LARP4B: variants seen among roughly 807,000 people sequenced by gnomAD.
LARP4B encodes la-related protein 4B.
Under a neutral mutation model 89.8 loss-of-function variants are expected in LARP4B, and 12 were observed. The ratio of observed to expected loss-of-function variants is 0.13; its 90% CI spans 0.09 to 0.22. The LOEUF (loss-of-function observed/expected upper bound fraction) is 0.22. Among genes scored for constraint, LARP4B ranks in the 10% least tolerant of loss-of-function variants. The probability of loss-of-function intolerance (pLI) is 1.00; values close to 1 mark genes in which losing one functional copy is unlikely to be tolerated. For synonymous variants in LARP4B, 367 were observed against 363.3 expected, an observed-to-expected ratio of 1.01 and a Z score of -0.12; for missense variants, 757 against 947.7, an observed-to-expected ratio of 0.80 and a Z score of 2.64.
chr10:889,384 ACACT>A (rs1439976384), intron 1 of LARP4B, among the ~76,000 whole-genome samples: 1 of 152,154 alleles, frequency 6.6e-6, no homozygotes, highest in South Asian at 2.1e-4. Context: ...ACACACACCC[ACACT>A]CACTCACTCA....
In LARP4B at chr10:881,092, C is replaced by T. The variant is rs78919168; in HGVS notation, c.141+3355G>A. 7.1e-3 allele frequency among the ~76,000 whole-genome samples: 1,083 copies of T among 152,260 alleles called. 29 individuals carry two copies. The East Asian group carries it at 0.094, about 13-fold the overall frequency. On this transcript the variant is annotated intron_variant, in intron 3 of 17. Coordinates refer to ENST00000316157, the MANE Select transcript of LARP4B (RefSeq NM_015155.3). ...AAAAAGCCGCTGAGAATGATGTTTG[C>T]TATAGATGAAGTTTGTGGCGCTAAC...
chr10:972,785 A>G, the LARP4B span: 1 of 456,796 alleles, frequency 2.2e-6, no homozygotes, highest in Non-Finnish European at 4.4e-6. Flanking sequence ...AAGAAGATGC[A>G]GCCCCAGGTA....
rs370866540 is a variant in LARP4B, at chr10:914,448, G to A, written c.-40+16980C>T. ...AAAGAAAGGTAGGTTGCAGTGAGCC[G>A]AGATCACGCCACTGCACTCCAGCCT... On this transcript the variant is annotated intron_variant, in intron 1 of 17. Transcript: ENST00000316157. 4.1e-4 allele frequency among the ~76,000 whole-genome samples: 62 copies of A among 151,712 alleles called. 1 individual carries two copies. The South Asian group carries it at 6.5e-3, about 16-fold the overall frequency.
intron 1 of LARP4B, among the ~76,000 whole-genome samples, chr10:895,945 C>T (rs1337112335): frequency 6.6e-6 from 1 of 152,216 alleles, no homozygotes; most frequent in Non-Finnish European, 1.5e-5. Context: ...TATTACACGT[C>T]TTCATAAAAC....
At chr10:900,931 T>A (rs1836325508) in intron 1 of LARP4B, among the ~76,000 whole-genome samples, 1 of 145,806 alleles carries the variant, frequency 6.9e-6, no homozygotes, top group African/African-American at 2.6e-5. Flanking sequence ...TTTTTTTTTT[T>A]TTTTTGAGAC....
At chr10:827,575 G>C (rs1381161391) in intron 11 of LARP4B, among the ~76,000 whole-genome samples, 1 of 152,206 alleles carries the variant, frequency 6.6e-6, no homozygotes, top group Non-Finnish European at 1.5e-5. Flanking sequence ...GCGATGGAGA[G>C]CCCCAGTATC....
chr10:862,256 TAA>T (rs10661482), intron 5 of LARP4B, among the ~76,000 whole-genome samples: 30 of 84,408 alleles, frequency 3.6e-4, no homozygotes, highest in African/African-American at 7.8e-4. Flanking sequence ...CCACTGAAGT[TAA>T]AAAAAAAAAA....
chr10:874,471 T>C (rs1352730942), intron 3 of LARP4B, among the ~76,000 whole-genome samples: 2 of 152,244 alleles, frequency 1.3e-5, no homozygotes, highest in South Asian at 2.1e-4. Context: ...GCCTGCCATC[T>C]GGTGAAAAAC....
chr10:830,584 T>C (rs908281734), intron 9 of LARP4B, among the ~76,000 whole-genome samples: 2 of 152,152 alleles, frequency 1.3e-5, no homozygotes, highest in South Asian at 2.1e-4. Flanking sequence ...ACTTTGCAAA[T>C]AGTAAAACTT....
intron 1 of LARP4B, among the ~76,000 whole-genome samples, chr10:908,692 T>C (rs1218116800): frequency 2.6e-5 from 4 of 152,232 alleles, no homozygotes; most frequent in African/African-American, 9.6e-5. Context: ...GGTTGATTGT[T>C]GTGACGCGAA....
intron 8 of LARP4B, among the ~76,000 whole-genome samples, chr10:832,298 C>A (rs1410120207): frequency 1.3e-5 from 2 of 152,222 alleles, no homozygotes; most frequent in Admixed American, 6.5e-5. Flanking sequence ...CCGCCTCAGC[C>A]TCCCAAAGTG....
chr10:877,788 T>C (rs993570206), intron 3 of LARP4B, among the ~76,000 whole-genome samples: 1 of 152,200 alleles, frequency 6.6e-6, no homozygotes, highest in Non-Finnish European at 1.5e-5. Flanking sequence ...ATGGAGCACC[T>C]ACCTGTCAGG....
intron 1 of LARP4B, among the ~76,000 whole-genome samples, chr10:928,249 T>C (rs1397079311): frequency 6.6e-6 from 1 of 151,564 alleles, no homozygotes; most frequent in Non-Finnish European, 1.5e-5. Context: ...AAAAAACTTG[T>C]ACCTTTAACA....
intron 7 of LARP4B, among the ~76,000 whole-genome samples, chr10:842,503 T>C (rs1443020679): frequency 6.6e-6 from 1 of 152,124 alleles, no homozygotes; most frequent in Non-Finnish European, 1.5e-5. Context: ...GCCCACAACA[T>C]AATTTTAAGA....
chr10:829,750 A>C lies in LARP4B; in HGVS notation c.862-16T>G. On this transcript the variant is annotated splice_polypyrimidine_tract_variant and intron_variant, in intron 9 of 17. Transcript: ENST00000316157. ...ATTTGTAAGCCTAAGGGCAAAATTA[A>C]GTACAAAATTCCATTCGATTAACCT... The C allele has an allele frequency of 6.2e-7, 1 of 1,601,392 alleles. No individual in the cohort carries two copies. Among genetic ancestry groups the C allele is most frequent in the Non-Finnish European group, 8.6e-7 (1 of 1,169,458 alleles).
intron 1 of LARP4B, among the ~76,000 whole-genome samples, chr10:909,060 T>C (rs192291111): frequency 0.026 from 3,948 of 152,030 alleles, 66 homozygotes; most frequent in Non-Finnish European, 0.04. Context: ...TTTGGGAGGC[T>C]GAGGCGGGCA....
chr10:898,018 C>T (rs1167116652), intron 1 of LARP4B, among the ~76,000 whole-genome samples: 2 of 129,564 alleles, frequency 1.5e-5, no homozygotes, highest in Non-Finnish European at 3.4e-5. Flanking sequence ...AAAAAAATGG[C>T]AAATGATCCG....
chr10:842,106 A>C (rs1833546650), intron 7 of LARP4B, among the ~76,000 whole-genome samples: 1 of 152,144 alleles, frequency 6.6e-6, no homozygotes, highest in Non-Finnish European at 1.5e-5. Flanking sequence ...ATGTCCAATC[A>C]CTCAAAACTA....
chr10:936,399 GGAA>G (rs1487275972), upstream of LARP4B, among the ~76,000 whole-genome samples: 2 of 152,086 alleles, frequency 1.3e-5, no homozygotes, highest in African/African-American at 4.8e-5. Flanking sequence ...GACACAGGTG[GGAA>G]GAAGGAGGCA....
Sources: allele counts gnomAD v4.1 joint callset (sites outside exome capture counted in the v4.1 genomes callset), GRCh38; gene constraint gnomAD v4.1.1; transcripts MANE v1.5; gene names NCBI Gene and HGNC (gene_info 2026-07-23, HGNC 2026-07-21).